XPNPEP1: variants seen among roughly 807,000 people sequenced by gnomAD.
The protein encoded by XPNPEP1 is xaa-Pro aminopeptidase 1.
In XPNPEP1, 39 loss-of-function variants were observed where a neutral mutation model predicts 92.4. That is an observed-to-expected ratio of 0.42 (90% CI 0.33 to 0.55). The LOEUF is 0.55. XPNPEP1 is among the 20% of genes least tolerant of loss of function. XPNPEP1 has a pLI of 0.08. For missense variants in XPNPEP1, 654 were observed against 856.1 expected, an observed-to-expected ratio of 0.76 and a Z score of 2.95; for synonymous variants, 307 against 299.4, an observed-to-expected ratio of 1.03 and a Z score of -0.26.
chr10:109,905,792 A>C (rs776422523), intron 3 of XPNPEP1, among the ~76,000 whole-genome samples: 9 of 152,236 alleles, frequency 5.9e-5, no homozygotes, highest in Non-Finnish European at 1.2e-4. Flanking sequence ...TTTTTTGTAG[A>C]GCATCTTACA....
chr10:109,923,185 C>A (rs1453090019), intron 1 of XPNPEP1: 1 of 985,232 alleles, frequency 1.0e-6, no homozygotes, highest in East Asian at 1.1e-4. Flanking sequence ...CCGCCCCGTG[C>A]CCACCGACCC....
At chr10:109,880,345 C>T (rs747960792) in intron 11 of XPNPEP1, 107 bp from the exon 12 acceptor site, 4 of 1,133,178 alleles carry the variant, frequency 3.5e-6, no homozygotes, top group Non-Finnish European at 5.3e-6. Flanking sequence ...TGCAGGGCCA[C>T]ACATCATCAG....
At position 109,871,835 on chromosome 10, in the gene XPNPEP1, G is replaced by A; in HGVS notation, c.1479C>T (p.Gly493=). 1.2e-6 allele frequency: 2 copies of A among 1,614,166 alleles called. No homozygotes were observed. Among genetic ancestry groups the A allele is most frequent in the Non-Finnish European group, 1.7e-6 (2 of 1,180,022 alleles). ...EKECFTYVLK[G]HIAVSAAVFP... is the part of the protein sequence containing the mutation. ...AAACGGCTGCACTCACAGCTATGTGGCCCTTGAGGACATATGTGAAGCATT... is the reference window on the plus strand; with the variant it reads ...AAACGGCTGCACTCACAGCTATGTGACCCTTGAGGACATATGTGAAGCATT... The change falls in exon 17 of 21, where the codon GGC becomes GGT. Residue 493 remains glycine, a synonymous_variant. Transcript: ENST00000502935.
intron 3 of XPNPEP1, among the ~76,000 whole-genome samples, chr10:109,903,946 G>C (rs1325381999): frequency 6.6e-6 from 1 of 151,026 alleles, no homozygotes; most frequent in East Asian, 2.0e-4. Context: ...CTGGGTTCAA[G>C]CGATTCTCCC....
Position 109,888,250 on chromosome 10 carries a change from G to A in XPNPEP1, c.509-58C>T, listed in dbSNP as rs111834988. The A allele has an allele frequency of 1.0e-3, 1,579 of 1,576,948 alleles. 20 individuals are homozygous for A. The African/African-American group carries it at 0.019, about 19-fold the overall frequency. ...CGAACGCCCATTGCAGCAGGGCAGG[G>A]AGCAGGGCCTTGAAAGTCCAGAACC... On this transcript the variant is annotated intron_variant, in intron 6 of 20. Transcript: ENST00000502935.
At chr10:109,891,900 T>A (rs1046299877) in intron 4 of XPNPEP1, 74 bp from the exon 5 acceptor site, 2 of 1,474,138 alleles carry the variant, frequency 1.4e-6, no homozygotes, top group African/African-American at 2.8e-5. Flanking sequence ...AAAATGACAG[T>A]AGACAGGCAA....
At position 109,865,218 on chromosome 10, in the gene XPNPEP1, A is replaced by T. The variant is rs773176228; in HGVS notation, c.1967T>A (p.Ile656Asn). Residue 656 changes from isoleucine to asparagine, a missense_variant, in exon 21 of 21, where the codon ATC becomes AAC. Ile to Asn is a moderately radical substitution (Grantham distance 149). Transcript: ENST00000502935. ...QGRQEALEWLIRETQPISKQH is the reference protein window; with the variant it reads ...QGRQEALEWLNRETQPISKQH Reference sequence around the variant, plus strand: ...TTTGGAGATGGGTTGCGTCTCTCTGATGAGCCACTCGAGAGCTTCCTGGCG... The same window carrying T: ...TTTGGAGATGGGTTGCGTCTCTCTGTTGAGCCACTCGAGAGCTTCCTGGCG... 2 of 1,614,164 alleles carry T rather than the reference A, an allele frequency of 1.2e-6. No homozygotes were observed. The highest frequency in any genetic ancestry group is 1.7e-6 in the Non-Finnish European group (2 of 1,180,032).
intron 1 of XPNPEP1, among the ~76,000 whole-genome samples, chr10:109,916,138 A>C (rs1263879686): frequency 6.6e-6 from 1 of 152,218 alleles, no homozygotes; most frequent in African/African-American, 2.4e-5. Context: ...CAGCAAGGGG[A>C]AGAAAGCATC....
intron 1 of XPNPEP1, among the ~76,000 whole-genome samples, chr10:109,918,586 C>G (rs1206242891): frequency 6.6e-6 from 1 of 151,930 alleles, no homozygotes; most frequent in Non-Finnish European, 1.5e-5. Context: ...ACGGTGAAAC[C>G]CTGTCTCTAC....
chr10:109,920,332 C>T (rs2133588261), intron 1 of XPNPEP1, among the ~76,000 whole-genome samples: 1 of 152,264 alleles, frequency 6.6e-6, no homozygotes, highest in South Asian at 2.1e-4. Flanking sequence ...ATACTAATAA[C>T]TTGAATTGTA....
At chr10:109,923,063 A>G in intron 1 of XPNPEP1, 1 of 749,828 alleles carries the variant, frequency 1.3e-6, no homozygotes. Context: ...AGAGGGGCCA[A>G]CTTCCTCCAA....
chr10:109,905,343 G>C (rs925444049), intron 3 of XPNPEP1, among the ~76,000 whole-genome samples: 1 of 152,140 alleles, frequency 6.6e-6, no homozygotes, highest in Non-Finnish European at 1.5e-5. Flanking sequence ...CCTGAGCAGA[G>C]GGATTACAGG....
chr10:109,891,942 C>T (rs1210484608), intron 4 of XPNPEP1, 116 bp from the exon 5 acceptor site: 3 of 884,830 alleles, frequency 3.4e-6, no homozygotes, highest in Non-Finnish European at 5.2e-6. Context: ...CCTAGTGGGG[C>T]AGATGGGTCC....
intron 2 of XPNPEP1, among the ~76,000 whole-genome samples, chr10:109,909,131 C>A (rs1438203389): frequency 6.6e-6 from 1 of 151,982 alleles, no homozygotes; most frequent in Non-Finnish European, 1.5e-5. Flanking sequence ...GTTAGCCAGG[C>A]GTGGTGGCGG....
intron 3 of XPNPEP1, among the ~76,000 whole-genome samples, chr10:109,899,778 T>C (rs1269214647): frequency 6.6e-6 from 1 of 152,182 alleles, no homozygotes; most frequent in African/African-American, 2.4e-5. Context: ...ACATCACCCT[T>C]TGACTAAGCC....
At chr10:109,921,681 C>T (rs1417919125) in intron 1 of XPNPEP1, among the ~76,000 whole-genome samples, 1 of 152,186 alleles carries the variant, frequency 6.6e-6, no homozygotes, top group African/African-American at 2.4e-5. Context: ...AGAATCCATC[C>T]CTCCTTTTGA....
intron 17 of XPNPEP1, among the ~76,000 whole-genome samples, chr10:109,871,588 T>C (rs934609346): frequency 1.3e-5 from 2 of 152,196 alleles, no homozygotes; most frequent in African/African-American, 2.4e-5. Flanking sequence ...CAGGGGGTAC[T>C]GGGCCCAATC....
At chr10:109,892,863 G>A (rs1848774684) in intron 4 of XPNPEP1, 149 bp downstream of exon 4, 1 of 719,216 alleles carries the variant, frequency 1.4e-6, no homozygotes, top group South Asian at 1.9e-5. Context: ...GGGAAAGACT[G>A]GGAACCCACA....
chr10:109,883,160 A>C (rs1848201407), intron 9 of XPNPEP1, among the ~76,000 whole-genome samples: 1 of 152,180 alleles, frequency 6.6e-6, no homozygotes, highest in Non-Finnish European at 1.5e-5. Context: ...GTGGCCCACA[A>C]GGCCTCTCTT....
Sources: allele counts gnomAD v4.1 joint callset (sites outside exome capture counted in the v4.1 genomes callset), GRCh38; gene constraint gnomAD v4.1.1; transcripts MANE v1.5; gene names NCBI Gene and HGNC (gene_info 2026-07-23, HGNC 2026-07-21).